The following TMEM41B variants were observed in gnomAD, a reference collection of about 807,000 sequenced individuals.
TMEM41B encodes the protein transmembrane protein 41B.
TMEM41B carries 18 observed loss-of-function variants against 31.9 expected under a neutral mutation model. The observed-to-expected ratio is 0.56, with a 90% CI of 0.39 to 0.84. The LOEUF is 0.84. TMEM41B is among the 40% of genes least tolerant of loss of function. The pLI is 0.00. For synonymous variants in TMEM41B, 144 were observed against 124.3 expected, an observed-to-expected ratio of 1.16 and a Z score of -1.05; for missense variants, 322 against 348.0, an observed-to-expected ratio of 0.93 and a Z score of 0.59.
chr11:9,310,561 G>A (rs892945969), intron 1 of TMEM41B, among the ~76,000 whole-genome samples: 1 of 150,230 alleles, frequency 6.7e-6, no homozygotes, highest in Non-Finnish European at 1.5e-5. Context: ...TTAAAATGGA[G>A]AACTTGCTAG....
chr11:9,292,831 GCCATACTATTTT>G (rs1852988968), intron 3 of TMEM41B, among the ~76,000 whole-genome samples: 1 of 151,914 alleles, frequency 6.6e-6, no homozygotes, highest in Non-Finnish European at 1.5e-5. Context: ...TTGAGGAACT[GCCATACTATTTT>G]CCATAGTAGC....
chr11:9,296,620 A>AAAAG (rs1554943611), intron 2 of TMEM41B, among the ~76,000 whole-genome samples: 2,283 of 126,950 alleles, frequency 0.018, 30 homozygotes, highest in Non-Finnish European at 0.027. Context: ...AAAAAAAAAA[A>AAAAG]AAAGAAAGAA....
chr11:9,288,492 G>A lies in TMEM41B; in HGVS notation c.412C>T (p.Leu138Phe). 1.9e-6 allele frequency: 3 copies of A among 1,598,532 alleles called. No individual in the cohort carries two copies. The highest frequency in any genetic ancestry group is 2.6e-6 in the Non-Finnish European group (3 of 1,174,458). The change falls in exon 4 of 7, where the codon CTC (leucine) becomes TTC (phenylalanine). Residue 138 changes from leucine to phenylalanine, a missense_variant. Physicochemically the swap from Leu to Phe is conservative, Grantham distance 22 (BLOSUM62 0). Coordinates refer to ENST00000528080, the MANE Select transcript of TMEM41B (RefSeq NM_015012.4). ...GGAAAGGGATAAAGAAACCCTGAGA[G>A]TATACTGAGAAATATAGAGCCTGGA... ...AIPGSIFLSI[L>F]SGFLYPFPLA...
chr11:9,306,860 T>C (rs1238241548), intron 1 of TMEM41B, among the ~76,000 whole-genome samples: 1 of 152,202 alleles, frequency 6.6e-6, no homozygotes, highest in Non-Finnish European at 1.5e-5. Flanking sequence ...CTGCAACCAA[T>C]GATGCTGCCT....
At chr11:9,306,948 C>T (rs1853412827) in intron 1 of TMEM41B, among the ~76,000 whole-genome samples, 2 of 152,180 alleles carry the variant, frequency 1.3e-5, no homozygotes, top group African/African-American at 4.8e-5. Flanking sequence ...TTCCCTTCAT[C>T]TTATCATTAA....
In TMEM41B at chr11:9,308,930, T is replaced by C. The variant is rs76089659; in HGVS notation, c.121+5391A>G. 8.2e-3 allele frequency among the ~76,000 whole-genome samples: 1,251 copies of C among 152,190 alleles called. 19 individuals carry two copies. Among genetic ancestry groups the C allele is most frequent in the African/African-American group, 0.029 (1,199 of 41,524 alleles). On this transcript the variant is annotated intron_variant, in intron 1 of 6. Coordinates refer to ENST00000528080, the MANE Select transcript of TMEM41B (RefSeq NM_015012.4). ...AACCAAACTTAAGGTTAAGCTGACA[T>C]CAAATAAGCAAATCAAGATATGAAA...
At chr11:9,285,378 C>T (rs951306703) in intron 6 of TMEM41B, among the ~76,000 whole-genome samples, 3 of 151,974 alleles carry the variant, frequency 2.0e-5, no homozygotes, top group African/African-American at 7.2e-5. Context: ...CCACCGCGCC[C>T]GGCTAATTTT....
At position 9,286,514 on chromosome 11, in the gene TMEM41B, T is replaced by G; in HGVS notation, c.647A>C (p.Asn216Thr). 1 of 1,613,298 alleles carries G rather than the reference T, an allele frequency of 6.2e-7. No homozygotes were observed. Among genetic ancestry groups the G allele is most frequent in the African/African-American group, 1.3e-5 (1 of 75,026 alleles). ...ITPFLPNWFI[N>T]ITSPVINVPL... ...CACGTTTATCACAGGAGATGTGATA[T>G]TAATAAACCAATTAGGCAGAAATGG... Residue 216 changes from asparagine to threonine, a missense_variant, in exon 6 of 7, where the codon AAT becomes ACT. Asn to Thr is a moderately conservative substitution (Grantham distance 65). Around this residue, in one of 3 missense-constraint regions of TMEM41B, gnomAD observed 92 missense variants for 88.0 expected, o/e 1.05. Transcript: ENST00000528080.
chr11:9,304,471 TATTA>T (rs1398171921), intron 1 of TMEM41B, among the ~76,000 whole-genome samples: 2 of 152,140 alleles, frequency 1.3e-5, no homozygotes, highest in African/African-American at 4.8e-5. Context: ...CCCATTTATT[TATTA>T]TTTATTTACT....
chr11:9,287,171 G>A (rs1015322092), intron 5 of TMEM41B, among the ~76,000 whole-genome samples: 1 of 152,020 alleles, frequency 6.6e-6, no homozygotes, highest in African/African-American at 2.4e-5. Flanking sequence ...GCCAGGCGTG[G>A]TGGCATGTAC....
rs1241906979 is a variant in TMEM41B at position 9,299,259 on chromosome 11, G to T, written c.239+325C>A. On this transcript the variant is annotated intron_variant, in intron 2 of 6. Transcript: ENST00000528080. ...GATCACGCCACTGCATTCCAGCCTG[G>T]GTGACAGGGCAAGACTCTGTCTCAA... Among the ~76,000 whole-genome samples, 4 of 124,360 alleles carry T rather than the reference G, an allele frequency of 3.2e-5. No individual in the cohort carries two copies. In the South Asian group the frequency reaches 1.1e-3, roughly 33 times the overall value. The allele number at this position is 124,360 out of a possible 152,430, so 81.6% of individuals were successfully genotyped here.
chr11:9,287,632 T>C (rs1422276085), intron 5 of TMEM41B, 70 bp downstream of exon 5: 11 of 1,026,924 alleles, frequency 1.1e-5, no homozygotes, highest in Non-Finnish European at 1.5e-5. Context: ...AGTTAATTCA[T>C]GTAGGGACTA....
Position 9,286,366 on chromosome 11 carries a change from G to A in TMEM41B, c.706+89C>T, listed in dbSNP as rs1342539677. ...ATTCTAGATGGTGCTGGCATAATCT[G>A]CAGAGAGCATGCATGTAATCTAGCC... On this transcript the variant is annotated intron_variant, in intron 6 of 6. Coordinates refer to ENST00000528080, the MANE Select transcript of TMEM41B (RefSeq NM_015012.4). The A allele has an allele frequency of 6.1e-6, 8 of 1,319,358 alleles. No homozygotes were observed. The Admixed American group carries it at 9.8e-5, about 16-fold the overall frequency. 81.7% of individuals were successfully genotyped at this position (1,319,358 alleles called of 1,614,324 possible).
rs769390300 is a variant in TMEM41B, at chr11:9,299,710, A to G, written c.122-9T>C. ...TTCTACCCAGGATTTTTCTGGAAGA[A>G]AAAAGAAAGTATAATTAAGATAAAT... On this transcript the variant is annotated splice_polypyrimidine_tract_variant and intron_variant, in intron 1 of 6. Transcript: ENST00000528080. The G allele has an allele frequency of 1.3e-6, 2 of 1,545,968 alleles. No individual in the cohort carries two copies. Among genetic ancestry groups the G allele is most frequent in the Non-Finnish European group, 1.8e-6 (2 of 1,126,534 alleles).
intron 1 of TMEM41B, chr11:9,311,640 T>G: frequency 1.1e-6 from 1 of 874,056 alleles, no homozygotes; most frequent in South Asian, 1.5e-5. Context: ...GCACCCAATG[T>G]TGGGTGGATA....
At chr11:9,296,827 T>C (rs979853057) in intron 2 of TMEM41B, among the ~76,000 whole-genome samples, 2 of 152,184 alleles carry the variant, frequency 1.3e-5, no homozygotes, top group African/African-American at 4.8e-5. Context: ...TTACTCTATA[T>C]TTGGCACTTT....
intron 6 of TMEM41B, among the ~76,000 whole-genome samples, chr11:9,285,559 A>G (rs1490583394): frequency 1.3e-5 from 2 of 152,172 alleles, no homozygotes; most frequent in Non-Finnish European, 2.9e-5. Context: ...ACATTCCTAC[A>G]AAGAATCATG....
At chr11:9,305,886 T>C (rs535783517) in intron 1 of TMEM41B, among the ~76,000 whole-genome samples, 9 of 152,102 alleles carry the variant, frequency 5.9e-5, no homozygotes, top group Admixed American at 1.3e-4. Context: ...GGTCTACATC[T>C]AAATTTATAG....
In TMEM41B at chr11:9,314,479, C is replaced by T. The variant is rs758038217; in HGVS notation, c.-38G>A. ...GTGAAGGGAGCGGTGCGGTGCCGCG[C>T]CCCCTAAACAACAAAACTCTGTTGC... On this transcript the variant is annotated 5_prime_UTR_variant, in exon 1 of 7. Transcript: ENST00000528080. 1.6e-5 allele frequency: 25 copies of T among 1,529,516 alleles called. 1 individual carries two copies. The South Asian group carries it at 2.5e-4, about 16-fold the overall frequency. The allele number at this position is 1,529,516 out of a possible 1,614,324, so 94.7% of individuals were successfully genotyped here. A position where few individuals can be genotyped will look rare whatever the true frequency, so the allele number is the denominator to read the frequency against.
Sources: gnomAD v4.1 joint callset for allele counts (sites outside exome capture counted in the v4.1 genomes callset) on GRCh38, gnomAD v4.1.1 for gene constraint, gnomAD v4.1.1 regional missense constraint, MANE v1.5 for transcripts, NCBI Gene and HGNC (gene_info 2026-07-23, HGNC 2026-07-21) for gene names.